Variants in TMEM117 observed in about 807,000 individuals in gnomAD.
The protein encoded by TMEM117 is transmembrane protein 117.
In TMEM117, 27 loss-of-function variants were observed where a neutral mutation model predicts 52.4. That is an observed-to-expected ratio of 0.51 (90% CI 0.38 to 0.71). The LOEUF (loss-of-function observed/expected upper bound fraction) is 0.71, where lower values mean the gene tolerates loss of function less well. Among genes scored for constraint, TMEM117 ranks in the 30% least tolerant of loss-of-function variants. TMEM117 has a pLI of 0.00. For synonymous variants in TMEM117, 215 were observed against 206.3 expected, an observed-to-expected ratio of 1.04 and a Z score of -0.36; for missense variants, 556 against 630.5, an observed-to-expected ratio of 0.88 and a Z score of 1.26.
chr12:44,079,976 G>A (rs146814911), intron 3 of TMEM117, among the ~76,000 whole-genome samples: 23 of 146,740 alleles, frequency 1.6e-4, no homozygotes, highest in Non-Finnish European at 3.0e-4. Flanking sequence ...CGAGATGATG[G>A]CATTGCATTC....
chr12:44,073,219 C>G (rs1947330643), intron 3 of TMEM117, among the ~76,000 whole-genome samples: 1 of 152,058 alleles, frequency 6.6e-6, no homozygotes, highest in Admixed American at 6.5e-5. Flanking sequence ...TTTTTGAACA[C>G]TTATTGTGCC....
intron 5 of TMEM117, among the ~76,000 whole-genome samples, chr12:44,234,870 C>CTCTTTAT (rs1487072204): frequency 7.9e-5 from 12 of 151,520 alleles, no homozygotes; most frequent in African/African-American, 2.7e-4. Context: ...CTTTATATAT[C>CTCTTTAT]ATCACTTTTT....
At chr12:44,019,700 A>G (rs746546477) in intron 3 of TMEM117, among the ~76,000 whole-genome samples, 6 of 152,210 alleles carry the variant, frequency 3.9e-5, no homozygotes, top group Non-Finnish European at 7.4e-5. Flanking sequence ...ATATGTGTAG[A>G]TTATAAACTA....
intron 4 of TMEM117, among the ~76,000 whole-genome samples, chr12:44,145,305 G>A (rs180687016): frequency 6.6e-6 from 1 of 152,218 alleles, no homozygotes; most frequent in East Asian, 1.9e-4. Flanking sequence ...TTGTGATTTT[G>A]ACATCACTTT....
chr12:44,073,091 C>T (rs1332206646), intron 3 of TMEM117, among the ~76,000 whole-genome samples: 1 of 150,098 alleles, frequency 6.7e-6, no homozygotes, highest in Non-Finnish European at 1.5e-5. Flanking sequence ...TGTCCCCTGC[C>T]CAAAAAAAAA....
intron 3 of TMEM117, among the ~76,000 whole-genome samples, chr12:44,042,934 CT>C (rs1227284392): frequency 6.6e-6 from 1 of 152,062 alleles, no homozygotes; most frequent in African/African-American, 2.4e-5. Context: ...GAGTTGGCTT[CT>C]TAATATGATT....
chr12:43,914,056 A>T (rs1413653510), intron 2 of TMEM117, among the ~76,000 whole-genome samples: 1 of 152,152 alleles, frequency 6.6e-6, no homozygotes, highest in Non-Finnish European at 1.5e-5. Context: ...CCTCTGGTGC[A>T]TCTGAGGGCA....
chr12:43,842,721 AACAC>A (rs145707134), intron 1 of TMEM117, among the ~76,000 whole-genome samples: 312 of 149,808 alleles, frequency 2.1e-3, no homozygotes, highest in Admixed American at 3.4e-3. Context: ...ATTCTTTCTC[AACAC>A]ACACACACAC....
chr12:44,099,569 G>T (rs1209516169), intron 3 of TMEM117, among the ~76,000 whole-genome samples: 2 of 151,980 alleles, frequency 1.3e-5, no homozygotes, highest in Non-Finnish European at 2.9e-5. Context: ...GTACAACCTT[G>T]TTTTCAGATA....
intron 5 of TMEM117, among the ~76,000 whole-genome samples, chr12:44,246,566 G>A (rs1293547575): frequency 6.6e-6 from 1 of 152,112 alleles, no homozygotes; most frequent in Non-Finnish European, 1.5e-5. Context: ...CTGCTACAAG[G>A]AATTTAAGTG....
chr12:44,090,839 GTTTTTTTTTGTTT>G (rs965753357), intron 3 of TMEM117, among the ~76,000 whole-genome samples: 2 of 104,802 alleles, frequency 1.9e-5, no homozygotes, highest in African/African-American at 9.0e-5. Context: ...GTATTTATGT[GTTTTTTTTTGTTT>G]TTTTTTTTTT....
intron 2 of TMEM117, among the ~76,000 whole-genome samples, chr12:43,924,936 C>T (rs7955667): frequency 0.95 from 145,068 of 152,230 alleles, 69,480 homozygotes; most frequent in East Asian, 1. Context: ...TATAGTCATC[C>T]GAAGGCTTGA....
At chr12:44,000,867 A>G (rs1024802823) in intron 3 of TMEM117, among the ~76,000 whole-genome samples, 1 of 152,172 alleles carries the variant, frequency 6.6e-6, no homozygotes, top group African/African-American at 2.4e-5. Context: ...GCACTAGAAA[A>G]GAGAAAAACC....
chr12:43,863,167 A>T (rs1943519901), intron 2 of TMEM117, among the ~76,000 whole-genome samples: 1 of 151,932 alleles, frequency 6.6e-6, no homozygotes, highest in Non-Finnish European at 1.5e-5. Flanking sequence ...AATTGCTTGA[A>T]CCCGGGAAGC....
chr12:44,155,760 C>A (rs1948817354), intron 4 of TMEM117, among the ~76,000 whole-genome samples: 1 of 152,040 alleles, frequency 6.6e-6, no homozygotes, highest in South Asian at 2.1e-4. Flanking sequence ...ATCACTAATG[C>A]AAAGTAGGAT....
chr12:43,960,608 T>C (rs1311163489), intron 3 of TMEM117, among the ~76,000 whole-genome samples: 1 of 152,178 alleles, frequency 6.6e-6, no homozygotes, highest in Non-Finnish European at 1.5e-5. Context: ...GAATGAACAC[T>C]GATTTGACAC....
intron 3 of TMEM117, among the ~76,000 whole-genome samples, chr12:44,066,567 A>G (rs1405804248): frequency 1.3e-5 from 2 of 152,220 alleles, no homozygotes; most frequent in East Asian, 3.8e-4. Flanking sequence ...CCCAATGCGT[A>G]TAAAAGCTAT....
At chr12:43,806,141 C>T in the TMEM117 span, 11 of 1,531,208 alleles carry the variant, frequency 7.2e-6, no homozygotes, top group Non-Finnish European at 9.6e-6. Flanking sequence ...CGACTCCAGC[C>T]CTGCCGGTCC....
At chr12:44,297,479 G>T (rs1314967887) in intron 5 of TMEM117, among the ~76,000 whole-genome samples, 2 of 152,150 alleles carry the variant, frequency 1.3e-5, no homozygotes, top group Non-Finnish European at 2.9e-5. Flanking sequence ...GAGAGGCTCT[G>T]TGAAGGAGGC....
Sources: gnomAD v4.1 joint callset for allele counts (sites outside exome capture counted in the v4.1 genomes callset) on GRCh38, gnomAD v4.1.1 for gene constraint, MANE v1.5 for transcripts, NCBI Gene and HGNC (gene_info 2026-07-23, HGNC 2026-07-21) for gene names.